FMN2: variants seen among roughly 807,000 people sequenced by gnomAD.
FMN2 encodes the protein formin-2.
Under a neutral mutation model 142.3 loss-of-function variants are expected in FMN2, and 51 were observed. The observed-to-expected ratio is 0.36, with a 90% CI of 0.29 to 0.45. The LOEUF is 0.45. Among genes scored for constraint, FMN2 ranks in the 20% least tolerant of loss-of-function variants. The probability of loss-of-function intolerance (pLI) is 1.00; values close to 1 mark genes in which losing one functional copy is unlikely to be tolerated. For missense variants in FMN2, 1,936 were observed against 2,122.8 expected, an observed-to-expected ratio of 0.91 and a Z score of 1.73; for synonymous variants, 882 against 869.8, an observed-to-expected ratio of 1.01 and a Z score of -0.25.
rs1282488142 is a variant in FMN2, at chr1:240,178,084, G to A, written c.1930+16G>A. ...GCTGAAACAGGTAACCCTTTCCTTTGTCTTCAGAGATAACTGGAAGAGGCA... is the reference window on the plus strand; with the variant it reads ...GCTGAAACAGGTAACCCTTTCCTTTATCTTCAGAGATAACTGGAAGAGGCA... On this transcript the variant is annotated intron_variant, in intron 3 of 17. Coordinates refer to ENST00000319653, the MANE Select transcript of FMN2 (RefSeq NM_020066.5). 1.3e-6 allele frequency: 2 copies of A among 1,560,642 alleles called. No individual in the cohort carries two copies. Among genetic ancestry groups the A allele is most frequent in the Non-Finnish European group, 8.6e-7 (1 of 1,159,674 alleles).
rs116013059 is a variant in FMN2, at chr1:240,363,823, C to T, written c.4858+7915C>T. Among the ~76,000 whole-genome samples, 1,204 of 151,988 alleles carry T rather than the reference C, an allele frequency of 7.9e-3. 16 individuals are homozygous for T. Among genetic ancestry groups the T allele is most frequent in the African/African-American group, 0.027 (1,137 of 41,404 alleles). ...GTCCCCAACCCCTTTGTCCCCTCTG[C>T]CCCCCAGCCTGCTTCCTGCCTGATG... On this transcript the variant is annotated intron_variant, in intron 14 of 17. Transcript: ENST00000319653.
At chr1:240,164,676 T>A (rs759253662) in intron 2 of FMN2, among the ~76,000 whole-genome samples, 1 of 152,222 alleles carries the variant, frequency 6.6e-6, no homozygotes, top group Non-Finnish European at 1.5e-5. Flanking sequence ...TCAATGACAC[T>A]AACTTCTTAA....
chr1:240,154,129 A>AAAAAAAAAAAAAAAAAAAAG (rs3047192), intron 2 of FMN2, among the ~76,000 whole-genome samples: 2 of 102,150 alleles, frequency 2.0e-5, no homozygotes, highest in Non-Finnish European at 3.9e-5. Context: ...AAAAAAAAAA[A>AAAAAAAAAAAAAAAAAAAAG]AAGTGTTACT....
intron 6 of FMN2, among the ~76,000 whole-genome samples, chr1:240,215,295 A>T (rs563697544): frequency 6.6e-6 from 1 of 152,350 alleles, no homozygotes; most frequent in African/African-American, 2.4e-5. Flanking sequence ...ACCATGTACC[A>T]GTTACTGTTC....
intron 7 of FMN2, among the ~76,000 whole-genome samples, chr1:240,279,406 G>A (rs530133503): frequency 6.6e-6 from 1 of 152,250 alleles, no homozygotes; most frequent in South Asian, 2.1e-4. Context: ...AAGAGGTTGG[G>A]GTTGGGAAAA....
At chr1:240,470,435 CTGGAATTGCTAACAATAT>C (rs1317110070) in intron 16 of FMN2, among the ~76,000 whole-genome samples, 1 of 152,144 alleles carries the variant, frequency 6.6e-6, no homozygotes, top group Non-Finnish European at 1.5e-5. Context: ...TCATCATTTT[CTGGAATTGCTAACAATAT>C]CAACCAGGCA....
intron 6 of FMN2, among the ~76,000 whole-genome samples, chr1:240,225,394 A>G (rs773068265): frequency 6.6e-6 from 1 of 152,308 alleles, no homozygotes; most frequent in East Asian, 1.9e-4. Context: ...TCACTGATAA[A>G]TGGCTCATGC....
chr1:240,388,504 T>C (rs1453263109), intron 14 of FMN2, among the ~76,000 whole-genome samples: 1 of 151,908 alleles, frequency 6.6e-6, no homozygotes, highest in Non-Finnish European at 1.5e-5. Context: ...TACAAAAAAG[T>C]GTAGCTTTTA....
chr1:240,290,137 A>AT (rs1669729182), intron 7 of FMN2, among the ~76,000 whole-genome samples: 1 of 152,056 alleles, frequency 6.6e-6, no homozygotes, highest in African/African-American at 2.4e-5. Flanking sequence ...TTATTCTTTT[A>AT]TTTTTTTAAT....
intron 8 of FMN2, among the ~76,000 whole-genome samples, chr1:240,306,863 C>T (rs1331590796): frequency 6.6e-6 from 1 of 152,196 alleles, no homozygotes; most frequent in Non-Finnish European, 1.5e-5. Context: ...TGCATTCCCA[C>T]CAACAGTGTA....
intron 16 of FMN2, among the ~76,000 whole-genome samples, chr1:240,454,700 T>C (rs1020634631): frequency 6.6e-6 from 1 of 152,140 alleles, no homozygotes; most frequent in African/African-American, 2.4e-5. Flanking sequence ...AGCAAAGCTG[T>C]CAACATAGCA....
chr1:240,235,496 C>T (rs1667678568), intron 6 of FMN2, among the ~76,000 whole-genome samples: 1 of 151,720 alleles, frequency 6.6e-6, no homozygotes, highest in Non-Finnish European at 1.5e-5. Flanking sequence ...ACGACAGCTT[C>T]AAACTCCTGG....
chr1:240,226,275 A>C (rs955482875), intron 6 of FMN2, among the ~76,000 whole-genome samples: 14 of 152,244 alleles, frequency 9.2e-5, no homozygotes, highest in African/African-American at 3.1e-4. Flanking sequence ...AACAATTAAA[A>C]AGTATGAATG....
rs565189382 is a variant in FMN2, at chr1:240,092,723, T to TGCA, written c.635_637dup (p.Gln212dup). ...TCAGACATCCAGCAGGCGATCCGCC[T>TGCA]GCAGCAGCAGCAGCAGCAGCAGCTC... is the stretch of plus-strand genomic sequence containing the variant. On this transcript the variant is annotated inframe_insertion, in exon 1 of 18. Transcript: ENST00000319653. 1,511 of 1,612,940 alleles carry TGCA rather than the reference T, an allele frequency of 9.4e-4. 8 individuals carry two copies. The African/African-American group carries it at 0.013, about 14-fold the overall frequency.
intron 16 of FMN2, among the ~76,000 whole-genome samples, chr1:240,469,511 T>C (rs957392926): frequency 9.9e-5 from 15 of 152,176 alleles, no homozygotes; most frequent in Non-Finnish European, 5.9e-5. Context: ...ACAGGAATCC[T>C]ATGGCAGCAG....
chr1:240,105,460 A>T (rs894170227), intron 1 of FMN2, among the ~76,000 whole-genome samples: 1 of 152,126 alleles, frequency 6.6e-6, no homozygotes, highest in African/African-American at 2.4e-5. Flanking sequence ...TTCTTAAAAA[A>T]TCCTGAAGTT....
rs1667125539 is a variant in FMN2, at chr1:240,221,790, A to G, written c.4065+10555A>G. Among the ~76,000 whole-genome samples, 4 of 148,042 alleles carry G rather than the reference A, an allele frequency of 2.7e-5. No individual in the cohort carries two copies. In the South Asian group the frequency reaches 8.6e-4, roughly 32 times the overall value. On this transcript the variant is annotated intron_variant, in intron 6 of 17. Transcript: ENST00000319653. ...TGCCATTGCTTTTGGTGTTTTAATC[A>G]TGAAGACTTTGCCCATGCCTATGTC...
intron 6 of FMN2, among the ~76,000 whole-genome samples, chr1:240,217,183 G>A (rs1259649484): frequency 1.3e-5 from 2 of 152,146 alleles, no homozygotes; most frequent in East Asian, 3.8e-4. Flanking sequence ...AGGAAAAAGA[G>A]ATTACATATT....
chr1:240,155,039 C>T (rs1663964306), intron 2 of FMN2, among the ~76,000 whole-genome samples: 1 of 151,664 alleles, frequency 6.6e-6, no homozygotes, highest in South Asian at 2.1e-4. Context: ...TAGAGTTGCA[C>T]ACCACCACAC....
Sources: allele counts gnomAD v4.1 joint callset (sites outside exome capture counted in the v4.1 genomes callset), GRCh38; gene constraint gnomAD v4.1.1; transcripts MANE v1.5; gene names NCBI Gene and HGNC (gene_info 2026-07-23, HGNC 2026-07-21).